Variants in GRID2 observed in about 807,000 individuals in gnomAD.
The protein encoded by GRID2 is glutamate receptor ionotropic, delta-2.
GRID2 carries 33 observed loss-of-function variants against 114.8 expected under a neutral mutation model. The observed-to-expected ratio is 0.29, with a 90% CI of 0.22 to 0.38. The LOEUF is 0.38. Among genes scored for constraint, GRID2 ranks in the 10% least tolerant of loss-of-function variants. The pLI is 1.00. For synonymous variants in GRID2, 505 were observed against 449.9 expected (o/e 1.12, Z -1.55); for missense variants, 1,184 against 1,257.7 (o/e 0.94, Z 0.89).
chr4:93,058,081 A>G (rs1411107922), intron 2 of GRID2, among the ~76,000 whole-genome samples: 1 of 152,008 alleles, frequency 6.6e-6, no homozygotes, highest in Non-Finnish European at 1.5e-5. Context: ...AGTGTGCTTC[A>G]GTGAATCTTG....
chr4:93,586,368 G>C lies in GRID2; in HGVS notation c.2194-39901G>C, dbSNP rs569078750. ...AATTCTTCTGCTCACCTACATTACA[G>C]TAAGACCTAATCTGTCTCTATCCCT... On this transcript the variant is annotated intron_variant, in intron 13 of 15. Transcript: ENST00000282020. Among the ~76,000 whole-genome samples, 6 of 152,022 alleles carry C rather than the reference G, an allele frequency of 3.9e-5. No homozygotes were observed. The South Asian group carries it at 1.2e-3, about 32-fold the overall frequency.
chr4:92,360,443 A>C (rs1728558472), intron 1 of GRID2, among the ~76,000 whole-genome samples: 1 of 151,968 alleles, frequency 6.6e-6, no homozygotes, highest in Admixed American at 6.6e-5. Flanking sequence ...GATAAACAAA[A>C]CCAAACCATT....
rs1030239527 is a variant in GRID2, at chr4:93,180,479, T to A, written c.736-26925T>A. Among the ~76,000 whole-genome samples, 95 of 152,204 alleles carry A rather than the reference T, an allele frequency of 6.2e-4. 1 individual carries two copies. Among genetic ancestry groups the A allele is most frequent in the African/African-American group, 2.1e-3 (87 of 41,552 alleles). On this transcript the variant is annotated intron_variant, in intron 4 of 15. Transcript: ENST00000282020. The stretch of plus-strand genomic sequence containing the variant: ...TTGCTAAAGGTTGAGGTAATGGTGG[T>A]AATTTCTTAAAAGAAAACAGTGAAG...
At chr4:93,366,797 T>G (rs1762380869) in intron 8 of GRID2, among the ~76,000 whole-genome samples, 1 of 152,002 alleles carries the variant, frequency 6.6e-6, no homozygotes, top group South Asian at 2.1e-4. Context: ...GGCCGACGCT[T>G]AAGGAAAATA....
chr4:93,585,444 G>A (rs1737434567), intron 13 of GRID2, among the ~76,000 whole-genome samples: 1 of 151,924 alleles, frequency 6.6e-6, no homozygotes. Context: ...TTTCAATTAG[G>A]GCATCAACAA....
At chr4:93,092,038 A>G (rs1285407254) in intron 3 of GRID2, among the ~76,000 whole-genome samples, 1 of 152,154 alleles carries the variant, frequency 6.6e-6, no homozygotes, top group Non-Finnish European at 1.5e-5. Flanking sequence ...GAACATATTC[A>G]TAAAGTGAAC....
At chr4:92,943,105 G>T (rs926061507) in intron 2 of GRID2, among the ~76,000 whole-genome samples, 6 of 152,074 alleles carry the variant, frequency 3.9e-5, no homozygotes, top group African/African-American at 1.4e-4. Flanking sequence ...TCCTGAATTT[G>T]AATGTTGGCC....
intron 1 of GRID2, among the ~76,000 whole-genome samples, chr4:92,447,554 A>G (rs1450133705): frequency 6.6e-6 from 1 of 152,224 alleles, no homozygotes; most frequent in African/African-American, 2.4e-5. Flanking sequence ...TGGCTCTTAC[A>G]GTACTTAACT....
chr4:92,893,056 G>A (rs1053847857), intron 2 of GRID2, among the ~76,000 whole-genome samples: 1 of 152,120 alleles, frequency 6.6e-6, no homozygotes, highest in African/African-American at 2.4e-5. Flanking sequence ...AATCAATGTT[G>A]AATGTGAATG....
Position 93,230,535 on chromosome 4 carries a change from A to T in GRID2, c.1125+5760A>T, listed in dbSNP as rs535443916. Among the ~76,000 whole-genome samples, 5 of 152,286 alleles carry T rather than the reference A, an allele frequency of 3.3e-5. No homozygotes were observed. The East Asian group carries it at 9.6e-4, about 29-fold the overall frequency. On this transcript the variant is annotated intron_variant, in intron 7 of 15. Coordinates refer to ENST00000282020, the MANE Select transcript of GRID2 (RefSeq NM_001510.4). ...AGTTGTTTTTATTAGTAACTTGTAC[A>T]GTTATAGAGTAGCAAGTCACAATAA... is the stretch of plus-strand genomic sequence containing the variant.
intron 10 of GRID2, among the ~76,000 whole-genome samples, chr4:93,424,130 T>G (rs562497790): frequency 2.6e-4 from 40 of 152,198 alleles, no homozygotes; most frequent in Non-Finnish European, 4.7e-4. Flanking sequence ...TTTTTGATAT[T>G]GTGTTCACAT....
intron 2 of GRID2, among the ~76,000 whole-genome samples, chr4:92,871,769 C>G (rs1377721553): frequency 2.6e-5 from 4 of 152,052 alleles, no homozygotes; most frequent in Non-Finnish European, 5.9e-5. Context: ...ACAAAATGTA[C>G]AAAAGTCTTC....
At chr4:92,940,908 C>G (rs570450672) in intron 2 of GRID2, among the ~76,000 whole-genome samples, 7 of 152,072 alleles carry the variant, frequency 4.6e-5, no homozygotes, top group South Asian at 2.1e-4. Context: ...TTGCATCCCA[C>G]GGATGAAGCC....
At chr4:93,799,049 T>A (rs1436746433) in intron 1 of GRID2, among the ~76,000 whole-genome samples, 2 of 152,212 alleles carry the variant, frequency 1.3e-5, no homozygotes, top group Admixed American at 6.5e-5. Context: ...TGCTTAGCGG[T>A]CTGATCTTGG....
rs948574866 is a variant in GRID2 at position 93,773,257 on chromosome 4, A to G, written c.*759A>G. ...ATATATATGCACCTATATAATGTGT[A>G]TATATATAAAAAGGCAGCCATTGCT... On this transcript the variant is annotated 3_prime_UTR_variant, in exon 16 of 16. Transcript: ENST00000282020. The G allele has an allele frequency of 6.6e-6, 1 of 152,136 alleles. No homozygotes were observed. The highest frequency in any genetic ancestry group is 1.5e-5 in the Non-Finnish European group (1 of 67,992). 9.4% of individuals were successfully genotyped at this position (152,136 alleles called of 1,614,324 possible). A position where few individuals can be genotyped will look rare whatever the true frequency, so the allele number is the denominator to read the frequency against.
intron 8 of GRID2, among the ~76,000 whole-genome samples, chr4:93,387,269 C>T (rs575849421): frequency 5.3e-5 from 8 of 152,216 alleles, no homozygotes; most frequent in Non-Finnish European, 7.4e-5. Flanking sequence ...GCTATGGTTG[C>T]TTGTATATAA....
At chr4:92,404,526 C>T (rs1253068930) in intron 1 of GRID2, among the ~76,000 whole-genome samples, 2 of 152,124 alleles carry the variant, frequency 1.3e-5, no homozygotes, top group Admixed American at 6.5e-5. Flanking sequence ...CCAGCAATCC[C>T]ATTACTGATT....
At chr4:93,399,666 A>C (rs550372371) in intron 9 of GRID2, among the ~76,000 whole-genome samples, 1 of 152,256 alleles carries the variant, frequency 6.6e-6, no homozygotes, top group South Asian at 2.1e-4. Flanking sequence ...AGTGAGCTAC[A>C]GTGCAGAAAA....
At chr4:93,728,587 G>A (rs1368016570) in intron 14 of GRID2, among the ~76,000 whole-genome samples, 1 of 152,140 alleles carries the variant, frequency 6.6e-6, no homozygotes, top group African/African-American at 2.4e-5. Flanking sequence ...ACAGTGGGGT[G>A]TTAAAGTCTC....
Sources: allele counts gnomAD v4.1 joint callset (sites outside exome capture counted in the v4.1 genomes callset), GRCh38; gene constraint gnomAD v4.1.1; transcripts MANE v1.5; gene names NCBI Gene and HGNC (gene_info 2026-07-23, HGNC 2026-07-21).